The following TAF12 variants were observed in gnomAD, a reference collection of about 807,000 sequenced individuals.
TAF12 encodes the protein TATA-box binding protein associated factor 12.
TAF12 carries 3 observed loss-of-function variants against 20.8 expected under a neutral mutation model. The observed-to-expected ratio is 0.14, with a 90% CI of 0.07 to 0.37. The LOEUF (loss-of-function observed/expected upper bound fraction) is 0.37. Ranked by LOEUF, TAF12 falls within the 10% of genes least tolerant of loss-of-function variation. The pLI is 1.00. For synonymous variants in TAF12, 69 were observed against 70.2 expected (o/e 0.98, Z 0.09); for missense variants, 131 against 197.9 (o/e 0.66, Z 2.03).
intron 1 of TAF12, chr1:28,648,198 T>A: frequency 2.8e-5 from 28 of 985,394 alleles, no homozygotes; most frequent in Non-Finnish European, 3.4e-5. Flanking sequence ...CCCAGTCAGA[T>A]ACCTACAGCC....
At chr1:28,632,968 A>G (rs1329018699) in intron 1 of TAF12, among the ~76,000 whole-genome samples, 1 of 151,956 alleles carries the variant, frequency 6.6e-6, no homozygotes, top group Non-Finnish European at 1.5e-5. Flanking sequence ...GGTACAAGCA[A>G]TTCTCCTGTC....
At chr1:28,632,285 A>C (rs1272528511) in intron 1 of TAF12, among the ~76,000 whole-genome samples, 1 of 152,106 alleles carries the variant, frequency 6.6e-6, no homozygotes, top group African/African-American at 2.4e-5. Flanking sequence ...AAAATACAAA[A>C]ATTAGCCTGG....
chr1:28,623,941 C>G, intron 1 of TAF12: 1 of 985,696 alleles, frequency 1.0e-6, no homozygotes, highest in Non-Finnish European at 1.2e-6. Context: ...CTCAAACTTA[C>G]TTACAGCTAT....
intron 3 of TAF12, among the ~76,000 whole-genome samples, chr1:28,615,641 T>G (rs1439238864): frequency 1.7e-5 from 2 of 116,390 alleles, no homozygotes; most frequent in Non-Finnish European, 3.2e-5. Context: ...ATCATGCCGC[T>G]GCACTCCAGC....
upstream of TAF12, chr1:28,643,105 G>T (rs960813039): frequency 6.1e-6 from 6 of 985,778 alleles, no homozygotes; most frequent in Non-Finnish European, 6.0e-6. Flanking sequence ...ACCGCTCCCC[G>T]CCTCCAACCC....
At chr1:28,624,762 TAA>T (rs1475879922) in intron 1 of TAF12, among the ~76,000 whole-genome samples, 1 of 150,870 alleles carries the variant, frequency 6.6e-6, no homozygotes, top group Non-Finnish European at 1.5e-5. Context: ...AAAATAAAAA[TAA>T]AAAAATAAAT....
At position 28,603,516 on chromosome 1, in the gene TAF12, C is replaced by T. The variant is rs1417256520; in HGVS notation, c.*23G>A. On this transcript the variant is annotated 3_prime_UTR_variant, in exon 6 of 6. Transcript: ENST00000373824. ...CAAGTATCTCCAAATACATTGCTGT[C>T]CATTCCCTGACCTTTCCGTGTGTTA... 1 of 1,613,430 alleles carries T rather than the reference C, an allele frequency of 6.2e-7. No homozygotes were observed. Among genetic ancestry groups the T allele is most frequent in the Admixed American group, 1.7e-5 (1 of 59,996 alleles).
chr1:28,636,112 G>C (rs1667815149), intron 1 of TAF12, among the ~76,000 whole-genome samples: 1 of 152,172 alleles, frequency 6.6e-6, no homozygotes, highest in African/African-American at 2.4e-5. Flanking sequence ...TTTGCAGTCT[G>C]TGAGACTCGA....
chr1:28,646,859 C>T (rs886947304), upstream of TAF12, among the ~76,000 whole-genome samples: 3 of 152,118 alleles, frequency 2.0e-5, no homozygotes, highest in South Asian at 2.1e-4. Flanking sequence ...CCACCACACC[C>T]GGCTAATTTT....
At chr1:28,604,831 G>C (rs1368778540) in intron 5 of TAF12, among the ~76,000 whole-genome samples, 1 of 152,180 alleles carries the variant, frequency 6.6e-6, no homozygotes, top group Non-Finnish European at 1.5e-5. Flanking sequence ...ACCAAAGATG[G>C]GGATGACTTG....
In TAF12 at chr1:28,603,044, A is replaced by T. The variant is rs1041524381; in HGVS notation, c.*495T>A. On this transcript the variant is annotated 3_prime_UTR_variant, in exon 6 of 6. Coordinates refer to ENST00000373824, the MANE Select transcript of TAF12 (RefSeq NM_005644.4). ...TGCCACCTGCTGACTAGAGAGCTACAATCCAGGCTTGCTTGTCCTGACTCC... is the reference window on the plus strand; with the variant it reads ...TGCCACCTGCTGACTAGAGAGCTACTATCCAGGCTTGCTTGTCCTGACTCC... 2 of 152,718 alleles carry T rather than the reference A, an allele frequency of 1.3e-5. No individual in the cohort carries two copies. Among genetic ancestry groups the T allele is most frequent in the Admixed American group, 6.5e-5 (1 of 15,284 alleles). 9.5% of individuals were successfully genotyped at this position (152,718 alleles called of 1,614,324 possible). A position where few individuals can be genotyped will look rare whatever the true frequency, so the allele number is the denominator to read the frequency against.
chr1:28,616,265 G>A (rs574034101), intron 3 of TAF12, among the ~76,000 whole-genome samples: 2 of 151,522 alleles, frequency 1.3e-5, no homozygotes, highest in South Asian at 2.1e-4. Flanking sequence ...GTATGGTGGT[G>A]TGCACCTGTA....
chr1:28,615,462 T>C (rs934245053), intron 3 of TAF12, among the ~76,000 whole-genome samples: 3 of 151,780 alleles, frequency 2.0e-5, no homozygotes, highest in Admixed American at 1.3e-4. Flanking sequence ...GTGGATGACC[T>C]GAGGTCAGGA....
At chr1:28,642,625 G>A (rs1432468067) in intron 1 of TAF12, 1 of 985,060 alleles carries the variant, frequency 1.0e-6, no homozygotes, top group Non-Finnish European at 1.2e-6. Context: ...TGCCTCTTAG[G>A]AGCCCAAGTC....
chr1:28,623,701 T>C (rs963300629), intron 1 of TAF12, among the ~76,000 whole-genome samples: 7 of 152,226 alleles, frequency 4.6e-5, no homozygotes, highest in Non-Finnish European at 8.8e-5. Context: ...TGCTTAAGTC[T>C]ATGTCAGGGC....
At chr1:28,632,463 C>G (rs1370471121) in intron 1 of TAF12, among the ~76,000 whole-genome samples, 1 of 152,040 alleles carries the variant, frequency 6.6e-6, no homozygotes, top group Non-Finnish European at 1.5e-5. Context: ...TTGCAGTGTG[C>G]AGAGATCGCA....
chr1:28,648,220 G>C, exon 1 of TAF12: 2 of 985,288 alleles, frequency 2.0e-6, no homozygotes, highest in Non-Finnish European at 2.4e-6. Flanking sequence ...CTGAGAGCCG[G>C]TATTCCAACG....
At chr1:28,621,840 AT>A (rs1236319204) in intron 2 of TAF12, 73 bp downstream of exon 2, 3 of 1,539,902 alleles carry the variant, frequency 1.9e-6, no homozygotes, top group Non-Finnish European at 2.6e-6. Flanking sequence ...TGAGATGGAC[AT>A]CTCTTAAAGT....
At position 28,610,102 on chromosome 1, in the gene TAF12, C is replaced by T. The variant is rs147247495; in HGVS notation, c.361+3145G>A. Among the ~76,000 whole-genome samples, 199 of 151,832 alleles carry T rather than the reference C, an allele frequency of 1.3e-3. 1 individual carries two copies. Among genetic ancestry groups the T allele is most frequent in the Non-Finnish European group, 2.5e-3 (167 of 67,916 alleles). On this transcript the variant is annotated intron_variant, in intron 4 of 5. Coordinates refer to ENST00000373824, the MANE Select transcript of TAF12 (RefSeq NM_005644.4). ...AAGTGATTCTCCTGCCTCAGACTCC[C>T]GAGTAGCTAGGATTACAGGTACCTG...
Sources: gnomAD v4.1 joint callset for allele counts (sites outside exome capture counted in the v4.1 genomes callset) on GRCh38, gnomAD v4.1.1 for gene constraint, MANE v1.5 for transcripts, NCBI Gene and HGNC (gene_info 2026-07-23, HGNC 2026-07-21) for gene names.